GRIN2A: variants seen among roughly 807,000 people sequenced by gnomAD.
GRIN2A encodes glutamate ionotropic receptor NMDA type subunit 2A.
Under a neutral mutation model 113.4 loss-of-function variants are expected in GRIN2A, and 22 were observed. That is an observed-to-expected ratio of 0.19 (90% confidence interval 0.14 to 0.28). The LOEUF (loss-of-function observed/expected upper bound fraction) is 0.28, where lower values mean the gene tolerates loss of function less well. Ranked by LOEUF, GRIN2A falls within the 10% of genes least tolerant of loss-of-function variation. The pLI, the probability that GRIN2A is intolerant of heterozygous loss-of-function variation, is 1.00. For missense variants in GRIN2A, 1,502 were observed against 1,887.0 expected, an observed-to-expected ratio of 0.80 and a Z score of 3.78; for synonymous variants, 827 against 738.4, an observed-to-expected ratio of 1.12 and a Z score of -1.94.
At chr16:9,870,331 A>T (rs2043236292) in intron 4 of GRIN2A, among the ~76,000 whole-genome samples, 1 of 152,182 alleles carries the variant, frequency 6.6e-6, no homozygotes, top group South Asian at 2.1e-4. Flanking sequence ...TACACTTGCT[A>T]GTGTTCACTT....
chr16:9,783,293 A>G (rs1360727646), intron 11 of GRIN2A, among the ~76,000 whole-genome samples: 3 of 152,266 alleles, frequency 2.0e-5, no homozygotes, highest in African/African-American at 7.2e-5. Flanking sequence ...AGGAATCAGG[A>G]TAGCCATTGC....
At chr16:9,915,796 C>A (rs1204404698) in intron 3 of GRIN2A, among the ~76,000 whole-genome samples, 1 of 152,154 alleles carries the variant, frequency 6.6e-6, no homozygotes, top group East Asian at 1.9e-4. Flanking sequence ...CTTTGAGCCT[C>A]CGTTTTTTCA....
At chr16:10,155,282 G>C (rs972677057) in intron 2 of GRIN2A, among the ~76,000 whole-genome samples, 2 of 150,924 alleles carry the variant, frequency 1.3e-5, no homozygotes, top group Non-Finnish European at 3.0e-5. Flanking sequence ...CACATGGTGA[G>C]TTTGCAGGAA....
At chr16:9,765,711 T>G (rs1258224577) in intron 12 of GRIN2A, among the ~76,000 whole-genome samples, 1 of 152,180 alleles carries the variant, frequency 6.6e-6, no homozygotes, top group Non-Finnish European at 1.5e-5. Context: ...TCCCTTGAAC[T>G]TTTTTACTTA....
chr16:10,081,170 C>A (rs1326266653), intron 2 of GRIN2A, among the ~76,000 whole-genome samples: 5 of 152,222 alleles, frequency 3.3e-5, no homozygotes, highest in African/African-American at 1.2e-4. Flanking sequence ...CTGAGGTTAG[C>A]ATGAGGCAAC....
chr16:9,915,064 G>C (rs62034949), intron 3 of GRIN2A, among the ~76,000 whole-genome samples: 63,855 of 149,432 alleles, frequency 0.43, 14,051 homozygotes, highest in Non-Finnish European at 0.45. Context: ...AGCCTCCCTA[G>C]TAGCTGGGAC....
At chr16:10,166,437 C>T (rs935439115) in intron 2 of GRIN2A, among the ~76,000 whole-genome samples, 2 of 152,170 alleles carry the variant, frequency 1.3e-5, no homozygotes, top group African/African-American at 4.8e-5. Flanking sequence ...CCCTCTACAG[C>T]TCATCTTCAG....
Position 9,758,536 on chromosome 16 carries a change from A to C in GRIN2A, c.*4613T>G, listed in dbSNP as rs1444242695. ...TCCATGTGTTAATACCATCATCACCATTTAATTTTTAACATAAACTTTACA... is the reference window on the plus strand; with the variant it reads ...TCCATGTGTTAATACCATCATCACCCTTTAATTTTTAACATAAACTTTACA... On this transcript the variant is annotated 3_prime_UTR_variant, in exon 13 of 13. Transcript: ENST00000330684. 4.7e-6 allele frequency: 1 copy of C among 211,858 alleles called. No homozygotes were observed. Among genetic ancestry groups the C allele is most frequent in the Non-Finnish European group, 9.6e-6 (1 of 104,512 alleles). The allele number at this position is 211,858 out of a possible 1,614,324, so 13.1% of individuals were successfully genotyped here. A position where few individuals can be genotyped will look rare whatever the true frequency, so the allele number is the denominator to read the frequency against.
At chr16:9,964,289 A>G (rs776223372) in intron 2 of GRIN2A, among the ~76,000 whole-genome samples, 1 of 152,232 alleles carries the variant, frequency 6.6e-6, no homozygotes, top group Non-Finnish European at 1.5e-5. Flanking sequence ...CCAATCCTGC[A>G]TCTACCACTT....
chr16:10,041,760 A>T (rs1285601681), intron 2 of GRIN2A, among the ~76,000 whole-genome samples: 1 of 152,152 alleles, frequency 6.6e-6, no homozygotes, highest in African/African-American at 2.4e-5. Flanking sequence ...CAACCCAGAT[A>T]CCCATCCTTG....
At chr16:9,896,519 C>A (rs1219404891) in intron 3 of GRIN2A, among the ~76,000 whole-genome samples, 7 of 152,178 alleles carry the variant, frequency 4.6e-5, no homozygotes, top group African/African-American at 1.2e-4. Flanking sequence ...TACTGAGACG[C>A]AAACACTGTT....
intron 2 of GRIN2A, among the ~76,000 whole-genome samples, chr16:9,984,952 T>A (rs181951495): frequency 6.6e-6 from 1 of 152,278 alleles, no homozygotes; most frequent in Admixed American, 6.5e-5. Context: ...GATATGACAC[T>A]CCTTCAGCTA....
intron 4 of GRIN2A, among the ~76,000 whole-genome samples, chr16:9,886,313 A>AT (rs1166129593): frequency 6.6e-6 from 1 of 152,216 alleles, no homozygotes; most frequent in African/African-American, 2.4e-5. Flanking sequence ...AGGAAAAAAA[A>AT]TCAGGATTTG....
At chr16:10,073,876 T>C (rs2047812768) in intron 2 of GRIN2A, among the ~76,000 whole-genome samples, 1 of 145,730 alleles carries the variant, frequency 6.9e-6, no homozygotes, top group South Asian at 2.2e-4. Context: ...GCTGAGATCG[T>C]GCCACTGCAC....
chr16:9,921,459 A>C (rs2044357670), intron 3 of GRIN2A, among the ~76,000 whole-genome samples: 1 of 152,150 alleles, frequency 6.6e-6, no homozygotes, highest in African/African-American at 2.4e-5. Flanking sequence ...CTTGATACTG[A>C]TCCTACCACT....
intron 2 of GRIN2A, among the ~76,000 whole-genome samples, chr16:10,045,372 A>C (rs776156172): frequency 1.6e-4 from 25 of 151,966 alleles, no homozygotes; most frequent in Non-Finnish European, 3.1e-4. Flanking sequence ...GCTGGTTTAC[A>C]TCCTTTTGTA....
intron 2 of GRIN2A, among the ~76,000 whole-genome samples, chr16:10,134,844 G>T (rs966899029): frequency 1.3e-5 from 2 of 152,064 alleles, no homozygotes; most frequent in Non-Finnish European, 1.5e-5. Context: ...CTTCTGATTT[G>T]ATGGCCAAGG....
chr16:9,955,082 T>C (rs918841524), intron 2 of GRIN2A, among the ~76,000 whole-genome samples: 3 of 152,204 alleles, frequency 2.0e-5, no homozygotes, highest in Non-Finnish European at 4.4e-5. Flanking sequence ...CTTGCAGCCA[T>C]TTGCCTGAGT....
Position 9,910,738 on chromosome 16 carries a change from A to AAT in GRIN2A, c.1008-19639_1008-19638insAT, listed in dbSNP as rs2044118698. ...TTTTTAGTAGAAATGGAGTTTCACC[A>AAT]TGTTGGCCAGTCTGGCCTCAAACTC... On this transcript the variant is annotated intron_variant, in intron 3 of 12. Transcript: ENST00000330684. Among the ~76,000 whole-genome samples, 5 of 152,118 alleles carry AAT rather than the reference A, an allele frequency of 3.3e-5. No individual in the cohort carries two copies. In the South Asian group the frequency reaches 1.0e-3, roughly 32 times the overall value.
Sources: gnomAD v4.1 joint callset for allele counts (sites outside exome capture counted in the v4.1 genomes callset) on GRCh38, gnomAD v4.1.1 for gene constraint, MANE v1.5 for transcripts, NCBI Gene and HGNC (gene_info 2026-07-23, HGNC 2026-07-21) for gene names.